EDEM2: variants seen among roughly 807,000 people sequenced by gnomAD.
EDEM2 encodes the protein ER degradation enhancing alpha-mannosidase like protein 2.
Under a neutral mutation model 64.8 loss-of-function variants are expected in EDEM2, and 39 were observed. The observed-to-expected ratio is 0.60, with a 90% CI of 0.47 to 0.79. EDEM2 has a LOEUF of 0.79. EDEM2 is among the 30% of genes least tolerant of loss of function. The probability of loss-of-function intolerance (pLI) is 0.00; values close to 1 mark genes in which losing one functional copy is unlikely to be tolerated. For synonymous variants in EDEM2, 296 were observed against 291.5 expected, an observed-to-expected ratio of 1.02 and a Z score of -0.16; for missense variants, 609 against 731.3, an observed-to-expected ratio of 0.83 and a Z score of 1.93.
chr20:35,134,794 C>G lies in EDEM2; in HGVS notation c.646G>C (p.Asp216His). Residue 216 changes from aspartate to histidine, a missense_variant, in exon 6 of 11, where the codon GAT (aspartate) becomes CAT (histidine). Coordinates refer to ENST00000374492, the MANE Select transcript of EDEM2 (RefSeq NM_018217.3). ...SSLTGDPVFE[D>H]VARVALMRLW... ...CGCATCAAAGCCACTCTGGCCACAT[C>G]TTCGAACACCGGGTCACCAGTGAGG... 6.2e-7 allele frequency: 1 copy of G among 1,614,076 alleles called. No individual in the cohort carries two copies. The highest frequency in any genetic ancestry group is 8.5e-7 in the Non-Finnish European group (1 of 1,180,044).
Position 35,145,051 on chromosome 20 carries a change from A to C in EDEM2, c.219-33T>G, listed in dbSNP as rs777153740. 2.5e-6 allele frequency: 4 copies of C among 1,612,524 alleles called. No individual in the cohort carries two copies. The East Asian group carries it at 6.7e-5, about 27-fold the overall frequency. ...AGGACAGAAATCCCAGCCGCTTAGT[A>C]AGAAAATCAAATACCAGATATTATG... On this transcript the variant is annotated intron_variant, in intron 2 of 10. Coordinates refer to ENST00000374492, the MANE Select transcript of EDEM2 (RefSeq NM_018217.3).
chr20:35,139,879 C>T (rs1021680148), intron 4 of EDEM2, among the ~76,000 whole-genome samples: 1 of 151,516 alleles, frequency 6.6e-6, no homozygotes, highest in Non-Finnish European at 1.5e-5. Context: ...AGAAGACAGC[C>T]AAAGTGAAAA....
At chr20:35,128,564 C>T (rs1600707408) in intron 7 of EDEM2, among the ~76,000 whole-genome samples, 1 of 128,722 alleles carries the variant, frequency 7.8e-6, no homozygotes, top group Non-Finnish European at 1.6e-5. Context: ...AAAACTCTGT[C>T]TAAAAAAAAA....
intron 7 of EDEM2, among the ~76,000 whole-genome samples, chr20:35,131,250 C>T (rs1380369790): frequency 6.6e-6 from 1 of 152,200 alleles, no homozygotes; most frequent in African/African-American, 2.4e-5. Flanking sequence ...GAATTCAGAA[C>T]TGATTCTGCA....
At chr20:35,118,391 C>T (rs1217458259) in intron 10 of EDEM2, 13 of 654,444 alleles carry the variant, frequency 2.0e-5, no homozygotes, top group Non-Finnish European at 2.5e-6. Context: ...AATTCTAGCT[C>T]TACCTCTACT....
At chr20:35,147,052 G>T in intron 1 of EDEM2, 100 bp downstream of exon 1, 1 of 1,543,912 alleles carries the variant, frequency 6.5e-7, no homozygotes, top group Non-Finnish European at 8.8e-7. Context: ...GGACCTAGCG[G>T]CTGTGTCGGA....
At chr20:35,147,097 G>A (rs1457816424) in intron 1 of EDEM2, 55 bp downstream of exon 1, 16 of 1,571,460 alleles carry the variant, frequency 1.0e-5, no homozygotes, top group Non-Finnish European at 1.3e-5. Context: ...GAAAGGGAAA[G>A]GACCGGGTTC....
At chr20:35,123,155 A>G (rs546954058) in intron 9 of EDEM2, among the ~76,000 whole-genome samples, 1 of 152,308 alleles carries the variant, frequency 6.6e-6, no homozygotes, top group East Asian at 1.9e-4. Context: ...GGTCCGCCCC[A>G]AAGTTCTAAC....
chr20:35,137,876 T>C lies in EDEM2; in HGVS notation c.490+4A>G, dbSNP rs1569181354. 1.9e-6 allele frequency: 3 copies of C among 1,613,926 alleles called. No homozygotes were observed. The highest frequency in any genetic ancestry group is 1.7e-6 in the Non-Finnish European group (2 of 1,179,868). ...TCTCTGCCCCATCTCTGTGTGGGTCTTACCTGGGAGGAGTTTTCGGGCCGC... is the reference window on the plus strand; with the variant it reads ...TCTCTGCCCCATCTCTGTGTGGGTCCTACCTGGGAGGAGTTTTCGGGCCGC... On this transcript the variant is annotated splice_donor_region_variant and intron_variant, in intron 5 of 10. Coordinates refer to ENST00000374492, the MANE Select transcript of EDEM2 (RefSeq NM_018217.3).
At position 35,131,681 on chromosome 20, in the gene EDEM2, T is replaced by C. The variant is rs1192780858; in HGVS notation, c.805A>G (p.Ile269Val). 2.5e-6 allele frequency: 4 copies of C among 1,614,138 alleles called. No individual in the cohort carries two copies. Among genetic ancestry groups the C allele is most frequent in the Non-Finnish European group, 1.7e-6 (2 of 1,180,048 alleles). Residue 269 changes from isoleucine to valine, a missense_variant, in exon 7 of 11, where the codon ATC becomes GTC. By Grantham distance (29) the Ile-to-Val change is conservative. Coordinates refer to ENST00000374492, the MANE Select transcript of EDEM2 (RefSeq NM_018217.3). Reference protein sequence around the residue: ...SYFEYLVKGAILLQDKKLMAM... With the variant: ...SYFEYLVKGAVLLQDKKLMAM... Reference sequence around the variant, plus strand: ...ATGAGCTTCTTATCCTGAAGCAGGATGGCTCCTTTCACCAAGTACTCAAAG... The same window carrying C: ...ATGAGCTTCTTATCCTGAAGCAGGACGGCTCCTTTCACCAAGTACTCAAAG...
intron 7 of EDEM2, among the ~76,000 whole-genome samples, chr20:35,128,044 T>C (rs1303524708): frequency 6.6e-6 from 1 of 152,162 alleles, no homozygotes; most frequent in Non-Finnish European, 1.5e-5. Context: ...CATTTACGCG[T>C]TTATGTATTT....
At chr20:35,120,679 C>T (rs1056193555) in intron 9 of EDEM2, among the ~76,000 whole-genome samples, 4 of 150,442 alleles carry the variant, frequency 2.7e-5, no homozygotes, top group African/African-American at 9.8e-5. Flanking sequence ...CTCACTGCAA[C>T]CTCTGCCTCC....
chr20:35,137,539 G>A (rs1440134363), intron 5 of EDEM2, among the ~76,000 whole-genome samples: 3 of 152,132 alleles, frequency 2.0e-5, no homozygotes, highest in African/African-American at 7.2e-5. Flanking sequence ...CTGGGCCCCT[G>A]TTACTCCAGC....
chr20:35,142,584 C>T (rs6120849), intron 3 of EDEM2, 106 bp from the exon 4 acceptor site: 157,909 of 758,902 alleles, frequency 0.21, 17,903 homozygotes, highest in Middle Eastern at 0.33. Context: ...CCACTTAAGA[C>T]CTCCAGTTTC....
chr20:35,127,763 A>G (rs7263165), intron 7 of EDEM2, among the ~76,000 whole-genome samples: 14,355 of 152,260 alleles, frequency 0.094, 2,259 homozygotes, highest in African/African-American at 0.33. Flanking sequence ...GTCTGAAACC[A>G]TGGATAGTAC....
intron 7 of EDEM2, among the ~76,000 whole-genome samples, chr20:35,128,405 A>G (rs2085464941): frequency 6.7e-6 from 1 of 149,378 alleles, no homozygotes; most frequent in Admixed American, 6.7e-5. Context: ...AAACAAAAAC[A>G]AAAATTAGCT....
intron 5 of EDEM2, among the ~76,000 whole-genome samples, chr20:35,137,117 A>G (rs1296504193): frequency 2.0e-5 from 3 of 152,236 alleles, no homozygotes; most frequent in African/African-American, 7.2e-5. Flanking sequence ...ATAGATGGGG[A>G]AACCAAACTG....
Position 35,134,963 on chromosome 20 carries a change from A to C in EDEM2, c.491-14T>G. The C allele has an allele frequency of 2.5e-6, 4 of 1,612,990 alleles. No homozygotes were observed. Among genetic ancestry groups the C allele is most frequent in the Non-Finnish European group, 2.5e-6 (3 of 1,179,798 alleles). On this transcript the variant is annotated splice_polypyrimidine_tract_variant and intron_variant, in intron 5 of 10. Transcript: ENST00000374492. Reference sequence around the variant, plus strand: ...GGGTCTGAAAGGCTGAACAATCGACAAATTATGATCCCGGACAGGAGCAGG... The same window carrying C: ...GGGTCTGAAAGGCTGAACAATCGACCAATTATGATCCCGGACAGGAGCAGG...
At chr20:35,129,350 C>T (rs915541245) in intron 7 of EDEM2, among the ~76,000 whole-genome samples, 2 of 151,400 alleles carry the variant, frequency 1.3e-5, no homozygotes, top group African/African-American at 2.4e-5. Flanking sequence ...GAGGTTGCAG[C>T]GAGCCGATAT....
Sources: allele counts gnomAD v4.1 joint callset (sites outside exome capture counted in the v4.1 genomes callset), GRCh38; gene constraint gnomAD v4.1.1; transcripts MANE v1.5; gene names NCBI Gene and HGNC (gene_info 2026-07-23, HGNC 2026-07-21).